The following GATAD2A variants were observed in gnomAD, a reference collection of about 807,000 sequenced individuals.
GATAD2A encodes GATA zinc finger domain containing 2A, also known as transcriptional repressor p66-alpha.
Under a neutral mutation model 68.5 loss-of-function variants are expected in GATAD2A, and 12 were observed. The ratio of observed to expected loss-of-function variants is 0.18; its 90% CI spans 0.11 to 0.28. GATAD2A has a LOEUF of 0.28. GATAD2A is among the 10% of genes least tolerant of loss of function. GATAD2A has a pLI of 1.00. For missense variants in GATAD2A, 755 were observed against 868.5 expected (o/e 0.87, Z 1.64); for synonymous variants, 410 against 375.3 (o/e 1.09, Z -1.07).
chr19:19,486,619 G>C (rs971086831), intron 2 of GATAD2A, among the ~76,000 whole-genome samples: 1 of 152,240 alleles, frequency 6.6e-6, no homozygotes, highest in Non-Finnish European at 1.5e-5. Flanking sequence ...ACCTGGTGCA[G>C]GGGACGCAGG....
At chr19:19,446,547 A>G (rs1234340367) in intron 1 of GATAD2A, among the ~76,000 whole-genome samples, 2 of 151,736 alleles carry the variant, frequency 1.3e-5, no homozygotes, top group East Asian at 3.9e-4. Flanking sequence ...AGTCCAAATT[A>G]TCTTTTTTCT....
intron 2 of GATAD2A, among the ~76,000 whole-genome samples, chr19:19,475,476 T>A (rs1349130355): frequency 5.6e-5 from 1 of 17,944 alleles, no homozygotes; most frequent in Non-Finnish European, 1.0e-4. Flanking sequence ...TGGGCGGCTC[T>A]CTGGAGCCCC....
chr19:19,492,725 C>G lies in GATAD2A; in HGVS notation c.534+13C>G. On this transcript the variant is annotated intron_variant, in intron 4 of 11. Transcript: ENST00000683918. ...CACCGCCCAGAAGGTGCGTGCCTGT[C>G]TCCCCTCCTTCCTGGGCCAGCAGGA... The G allele has an allele frequency of 1.2e-6, 2 of 1,613,780 alleles. No homozygotes were observed. The highest frequency in any genetic ancestry group is 1.3e-5 in the African/African-American group (1 of 75,012).
chr19:19,440,183 A>G, intron 1 of GATAD2A: 1 of 414,938 alleles, frequency 2.4e-6, no homozygotes, highest in Non-Finnish European at 4.8e-6. Context: ...AATGTAAAGG[A>G]AGAAGAGATG....
chr19:19,413,688 G>A (rs1459902501), intron 1 of GATAD2A, among the ~76,000 whole-genome samples: 2 of 152,000 alleles, frequency 1.3e-5, no homozygotes, highest in African/African-American at 2.4e-5. Flanking sequence ...GGGTTCAAGC[G>A]ATTCTCCTGC....
rs200223853 is a variant in GATAD2A, at chr19:19,502,039, T to C, written c.1574T>C (p.Leu525Pro). The C allele has an allele frequency of 5.0e-5, 80 of 1,612,922 alleles. No homozygotes were observed. The highest frequency in any genetic ancestry group is 1.0e-4 in the Admixed American group (6 of 60,018). ...CGCGACTGGAGTAACGGGGCTGTGC[T>C]ACAGGTCAGAACCGCACTGGGCGCC... The part of the protein sequence containing the change: ...EARDWSNGAV[L>P]QASSQLSRGS... Residue 525 changes from leucine to proline, a missense_variant, in exon 10 of 12, where the codon CTA (leucine) becomes CCA (proline). Transcript: ENST00000683918.
chr19:19,491,969 TGATCCGAG>T (rs146450255), intron 2 of GATAD2A, among the ~76,000 whole-genome samples: 1 of 152,320 alleles, frequency 6.6e-6, no homozygotes, highest in African/African-American at 2.4e-5. Context: ...AGTGTTTACC[TGATCCGAG>T]GCACACGGTA....
chr19:19,436,124 G>C (rs1351437055), intron 1 of GATAD2A: 1 of 1,353,924 alleles, frequency 7.4e-7, no homozygotes, highest in African/African-American at 1.5e-5. Flanking sequence ...TCTGTCCTTT[G>C]CTTTAGGTTG....
At position 19,474,063 on chromosome 19, in the gene GATAD2A, G is replaced by T. The variant is rs532532805; in HGVS notation, c.269+8449G>T. ...CAGCCACCCAGTTGTCCAGAACGTG[G>T]GAGTGTGGACGGCTTTGTTTTGTTC... On this transcript the variant is annotated intron_variant, in intron 2 of 11. Transcript: ENST00000683918. 5.1e-6 allele frequency: 5 copies of T among 984,922 alleles called. No homozygotes were observed. The South Asian group carries it at 1.9e-4, about 37-fold the overall frequency. 61.0% of individuals were successfully genotyped at this position (984,922 alleles called of 1,614,324 possible). A position where few individuals can be genotyped will look rare whatever the true frequency, so the allele number is the denominator to read the frequency against.
chr19:19,470,146 T>TA (rs2058178601), intron 2 of GATAD2A, among the ~76,000 whole-genome samples: 1 of 135,544 alleles, frequency 7.4e-6, no homozygotes, highest in South Asian at 2.6e-4. Context: ...CGACTTTATT[T>TA]TTTTTTTTGT....
At chr19:19,430,817 G>A (rs754001912) in intron 1 of GATAD2A, among the ~76,000 whole-genome samples, 2 of 152,156 alleles carry the variant, frequency 1.3e-5, no homozygotes, top group South Asian at 2.1e-4. Flanking sequence ...AAAGGACCTC[G>A]CTAGCCTGAG....
chr19:19,403,220 G>A (rs35156688), upstream of GATAD2A, among the ~76,000 whole-genome samples: 1 of 152,100 alleles, frequency 6.6e-6, no homozygotes, highest in African/African-American at 2.4e-5. Context: ...TAATCACCCA[G>A]CTGAACTATT....
intron 2 of GATAD2A, among the ~76,000 whole-genome samples, chr19:19,473,802 C>T (rs1055718761): frequency 3.3e-5 from 5 of 150,790 alleles, no homozygotes; most frequent in South Asian, 2.1e-4. Flanking sequence ...AAAAATTAGC[C>T]GGGCGTAGTG....
In GATAD2A at chr19:19,466,238, A is replaced by C. The variant is rs1022646304; in HGVS notation, c.269+624A>C. 3.4e-4 allele frequency among the ~76,000 whole-genome samples: 52 copies of C among 152,310 alleles called. 1 individual carries two copies. Among genetic ancestry groups the C allele is most frequent in the African/African-American group, 1.2e-3 (49 of 41,564 alleles). ...AAAGCTTGAAATAAAAATAAGACCC[A>C]ATCTACCACCTATTTCTTGACTTCA... On this transcript the variant is annotated intron_variant, in intron 2 of 11. Transcript: ENST00000683918.
chr19:19,470,916 C>T (rs2058255580), intron 2 of GATAD2A, among the ~76,000 whole-genome samples: 1 of 152,104 alleles, frequency 6.6e-6, no homozygotes, highest in African/African-American at 2.4e-5. Flanking sequence ...AAAATGTGTC[C>T]ACACAGACAG....
In GATAD2A at chr19:19,419,143, CGGT is replaced by C. The variant is rs1408330674; in HGVS notation, c.-7+13127_-7+13129del. 1.2e-4 allele frequency among the ~76,000 whole-genome samples: 19 copies of C among 152,226 alleles called. No homozygotes were observed. The East Asian group carries it at 2.7e-3, about 22-fold the overall frequency. ...TCATTGCCTCACATGTGTGAGCACT[CGGT>C]GGAAGGAGGAAGGGATGTCTGCACA... is the stretch of plus-strand genomic sequence containing the variant. On this transcript the variant is annotated intron_variant, in intron 1 of 11. Transcript: ENST00000683918.
chr19:19,442,186 G>A (rs552722470), intron 1 of GATAD2A, among the ~76,000 whole-genome samples: 11 of 151,996 alleles, frequency 7.2e-5, no homozygotes, highest in Non-Finnish European at 1.0e-4. Flanking sequence ...TAAGTAAAAC[G>A]CTTAATTCTC....
At chr19:19,486,390 C>G (rs1225802455) in intron 2 of GATAD2A, among the ~76,000 whole-genome samples, 2 of 152,202 alleles carry the variant, frequency 1.3e-5, no homozygotes, top group African/African-American at 4.8e-5. Context: ...CCTGCATGCT[C>G]CTATCCCCTT....
At chr19:19,436,059 T>C in intron 1 of GATAD2A, 1 of 780,220 alleles carries the variant, frequency 1.3e-6, no homozygotes, top group South Asian at 1.4e-5. Flanking sequence ...TTAGAGACAT[T>C]TTAGAAATGC....
Sources: gnomAD v4.1 joint callset for allele counts (sites outside exome capture counted in the v4.1 genomes callset) on GRCh38, gnomAD v4.1.1 for gene constraint, MANE v1.5 for transcripts, NCBI Gene and HGNC (gene_info 2026-07-23, HGNC 2026-07-21) for gene names.